The following TTC13 variants were observed in gnomAD, a reference collection of about 807,000 sequenced individuals.
TTC13 encodes the protein tetratricopeptide repeat protein 13.
TTC13 carries 62 observed loss-of-function variants against 120.0 expected under a neutral mutation model. The observed-to-expected ratio is 0.52, with a 90% CI of 0.42 to 0.64. The LOEUF (loss-of-function observed/expected upper bound fraction) is 0.64. Ranked by LOEUF, TTC13 falls within the 30% of genes least tolerant of loss-of-function variation. The probability of loss-of-function intolerance (pLI) is 0.00; values close to 1 mark genes in which losing one functional copy is unlikely to be tolerated. For missense variants in TTC13, 824 were observed against 1,050.2 expected (o/e 0.78, Z 2.98); for synonymous variants, 384 against 393.5 (o/e 0.98, Z 0.28).
chr1:230,937,679 T>C (rs938225488), intron 8 of TTC13, among the ~76,000 whole-genome samples: 2 of 152,238 alleles, frequency 1.3e-5, no homozygotes, highest in African/African-American at 4.8e-5. Flanking sequence ...GGTTTGGTTT[T>C]TAGTGGGATG....
chr1:230,912,127 C>T (rs958586020), intron 19 of TTC13, among the ~76,000 whole-genome samples: 2 of 152,112 alleles, frequency 1.3e-5, no homozygotes, highest in Non-Finnish European at 2.9e-5. Context: ...CTGCCTGTAA[C>T]GACTCCACCT....
At chr1:230,948,186 A>G (rs886995991) in intron 4 of TTC13, among the ~76,000 whole-genome samples, 3 of 152,222 alleles carry the variant, frequency 2.0e-5, no homozygotes, top group Admixed American at 6.5e-5. Context: ...TCACTGAAAT[A>G]CATTTTACAT....
chr1:230,975,054 T>C (rs1678134442), intron 1 of TTC13, among the ~76,000 whole-genome samples: 1 of 152,142 alleles, frequency 6.6e-6, no homozygotes, highest in Admixed American at 6.5e-5. Flanking sequence ...CCTTAACTTC[T>C]CTGTCTCAGT....
At chr1:230,956,979 G>A (rs1426052924) in intron 3 of TTC13, among the ~76,000 whole-genome samples, 2 of 152,056 alleles carry the variant, frequency 1.3e-5, no homozygotes, top group African/African-American at 4.8e-5. Context: ...CCAGCTCAGG[G>A]CCTACACTAC....
chr1:230,908,633 T>C, intron 22 of TTC13, 79 bp downstream of exon 22: 4 of 1,134,180 alleles, frequency 3.5e-6, no homozygotes, highest in Non-Finnish European at 5.2e-6. Context: ...CCAGTTTTCA[T>C]AGCGCTCCAA....
rs1327699047 is a variant in TTC13, at chr1:230,923,937, T to C, written c.1722-4A>G. ...GGGCTGGTCTGGGTCAGCAATCCTA[T>C]AAAACAGAGACCTTTATAAAACCAG... On this transcript the variant is annotated splice_polypyrimidine_tract_variant and splice_region_variant and intron_variant, in intron 14 of 22. Transcript: ENST00000366661. 1 of 1,609,958 alleles carries C rather than the reference T, an allele frequency of 6.2e-7. No homozygotes were observed. Among genetic ancestry groups the C allele is most frequent in the East Asian group, 2.2e-5 (1 of 44,796 alleles).
chr1:230,943,906 A>G lies in TTC13; in HGVS notation c.580-8T>C. On this transcript the variant is annotated splice_region_variant and splice_polypyrimidine_tract_variant and intron_variant, in intron 5 of 22. Coordinates refer to ENST00000366661, the MANE Select transcript of TTC13 (RefSeq NM_024525.5). ...CTCAGCATTCTTAATGTCCTTGAAA[A>G]GGCATTAGCTTAGTATGAGACATAC... 2 of 1,601,570 alleles carry G rather than the reference A, an allele frequency of 1.2e-6. No individual in the cohort carries two copies. The highest frequency in any genetic ancestry group is 1.7e-5 in the Admixed American group (1 of 58,912).
At chr1:230,954,248 G>C (rs928290662) in intron 4 of TTC13, 85 bp downstream of exon 4, 2 of 908,180 alleles carry the variant, frequency 2.2e-6, no homozygotes, top group South Asian at 1.5e-5. Context: ...AAAACATGTC[G>C]TATTACAGCA....
At chr1:230,963,445 C>T (rs1001349435) in intron 1 of TTC13, among the ~76,000 whole-genome samples, 17 of 93,286 alleles carry the variant, frequency 1.8e-4, no homozygotes, top group African/African-American at 7.0e-4. Context: ...TTGAGACCAA[C>T]CTGGGCATCG....
intron 19 of TTC13, 100 bp from the exon 20 acceptor site, chr1:230,911,649 G>T: frequency 1.6e-6 from 1 of 640,270 alleles, no homozygotes; most frequent in Non-Finnish European, 2.5e-6. Context: ...TCAAGAAGAG[G>T]ATTGTTTTCT....
intron 17 of TTC13, among the ~76,000 whole-genome samples, chr1:230,918,712 G>C (rs962445312): frequency 2.2e-4 from 34 of 152,126 alleles, no homozygotes; most frequent in Non-Finnish European, 2.9e-5. Flanking sequence ...CCAAAAACCT[G>C]GAATAACTGT....
chr1:230,938,287 T>C (rs1314289565), intron 8 of TTC13, among the ~76,000 whole-genome samples: 1 of 152,216 alleles, frequency 6.6e-6, no homozygotes, highest in Non-Finnish European at 1.5e-5. Flanking sequence ...ATCAGGTAGC[T>C]TGGATATGTC....
chr1:230,931,470 C>T lies in TTC13; in HGVS notation c.1128G>A (p.Arg376=). 1 of 1,613,894 alleles carries T rather than the reference C, an allele frequency of 6.2e-7. No homozygotes were observed. The highest frequency in any genetic ancestry group is 8.5e-7 in the Non-Finnish European group (1 of 1,179,952). The part of the protein sequence containing the change: ...SLQEALKNFK[R]CLQLEPYNEV... Reference sequence around the variant, plus strand: ...CATTATATGGCTCTAGCTGCAGACACCGCTGAGGACAAAATGCTGCATTAG... The same window carrying T: ...CATTATATGGCTCTAGCTGCAGACATCGCTGAGGACAAAATGCTGCATTAG... Residue 376 remains arginine, a splice_region_variant and synonymous_variant, in exon 11 of 23, where the codon CGG becomes CGA. Transcript: ENST00000366661.
chr1:230,924,433 C>T (rs1451317651), intron 14 of TTC13, among the ~76,000 whole-genome samples: 1 of 152,116 alleles, frequency 6.6e-6, no homozygotes. Flanking sequence ...CCTGGGTTCA[C>T]GCCATTCTCC....
intron 4 of TTC13, among the ~76,000 whole-genome samples, chr1:230,953,910 A>G (rs954774120): frequency 4.6e-5 from 7 of 152,204 alleles, no homozygotes; most frequent in African/African-American, 1.7e-4. Flanking sequence ...AAATTAAGTT[A>G]ATCATGAAGA....
At chr1:230,920,446 A>G in intron 17 of TTC13, 64 bp downstream of exon 17, 1 of 1,175,142 alleles carries the variant, frequency 8.5e-7, no homozygotes, top group Non-Finnish European at 1.3e-6. Context: ...GTTCTTTTTA[A>G]AAAAGTGCTG....
intron 9 of TTC13, 52 bp downstream of exon 9, chr1:230,933,727 T>A: frequency 1.1e-6 from 1 of 944,426 alleles, no homozygotes; most frequent in Non-Finnish European, 1.6e-6. Flanking sequence ...AGCTATCTTG[T>A]CTCCCCACTC....
intron 4 of TTC13, among the ~76,000 whole-genome samples, chr1:230,946,175 T>C (rs1674977151): frequency 6.6e-6 from 1 of 152,182 alleles, no homozygotes; most frequent in Non-Finnish European, 1.5e-5. Context: ...ATTTAGCCTC[T>C]ACAATTTTTA....
chr1:230,926,376 G>A (rs1241155172), intron 12 of TTC13, among the ~76,000 whole-genome samples: 3 of 152,022 alleles, frequency 2.0e-5, no homozygotes, highest in Non-Finnish European at 4.4e-5. Flanking sequence ...GATTAGTTGC[G>A]AACACGTGTA....
Sources: gnomAD v4.1 joint callset for allele counts (sites outside exome capture counted in the v4.1 genomes callset) on GRCh38, gnomAD v4.1.1 for gene constraint, MANE v1.5 for transcripts, NCBI Gene and HGNC (gene_info 2026-07-23, HGNC 2026-07-21) for gene names.